STXBP5: variants seen among roughly 807,000 people sequenced by gnomAD.
The protein encoded by STXBP5 is syntaxin binding protein 5.
A neutral mutation model predicts 152.4 loss-of-function variants in STXBP5; 50 were observed. The observed-to-expected ratio is 0.33, with a 90% CI of 0.26 to 0.42. The LOEUF (loss-of-function observed/expected upper bound fraction) is 0.42. Ranked by LOEUF, STXBP5 falls within the 10% of genes least tolerant of loss-of-function variation. STXBP5 has a pLI of 1.00. For missense variants in STXBP5, 1,167 were observed against 1,388.6 expected (o/e 0.84, Z 2.54); for synonymous variants, 492 against 494.7 (o/e 0.99, Z 0.07).
At chr6:147,283,024 G>A (rs572586278) in intron 8 of STXBP5, among the ~76,000 whole-genome samples, 1 of 152,250 alleles carries the variant, frequency 6.6e-6, no homozygotes, top group African/African-American at 2.4e-5. Flanking sequence ...TCTAATTTGT[G>A]TTGGGCCACA....
chr6:147,339,274 GTTTAA>G (rs1309226735), intron 20 of STXBP5, 36 bp downstream of exon 20: 7 of 1,507,570 alleles, frequency 4.6e-6, no homozygotes, highest in African/African-American at 1.4e-5. Flanking sequence ...TTTCTTTTAT[GTTTAA>G]TTTATTTAGT....
intron 7 of STXBP5, among the ~76,000 whole-genome samples, chr6:147,270,574 T>C (rs972968901): frequency 5.9e-5 from 9 of 151,834 alleles, no homozygotes; most frequent in Non-Finnish European, 1.3e-4. Flanking sequence ...TTTATAGACA[T>C]AAAAATTGAA....
At position 147,336,955 on chromosome 6, in the gene STXBP5, G is replaced by A. The variant is rs955077707; in HGVS notation, c.2147-2224G>A. Among the ~76,000 whole-genome samples the A allele has an allele frequency of 2.6e-5, 4 of 151,942 alleles. No individual in the cohort carries two copies. In the South Asian group the frequency reaches 8.3e-4, roughly 31 times the overall value. On this transcript the variant is annotated intron_variant, in intron 19 of 27. Coordinates refer to ENST00000321680, the MANE Select transcript of STXBP5 (RefSeq NM_001127715.4). Reference sequence around the variant, plus strand: ...AAGCTATCTTCAGAAATCATCATGAGAAAAATCCATGTAATGCATATAGTT... The same window carrying A: ...AAGCTATCTTCAGAAATCATCATGAAAAAAATCCATGTAATGCATATAGTT...
chr6:147,234,230 G>C (rs1009802663), intron 2 of STXBP5, among the ~76,000 whole-genome samples: 6 of 151,722 alleles, frequency 4.0e-5, no homozygotes, highest in African/African-American at 1.2e-4. Flanking sequence ...TTTTACTTTA[G>C]GGTAATAGTT....
intron 8 of STXBP5, among the ~76,000 whole-genome samples, chr6:147,287,577 C>T (rs1781046986): frequency 1.3e-5 from 2 of 152,198 alleles, no homozygotes; most frequent in South Asian, 2.1e-4. Context: ...AATCACTGTA[C>T]TTTAGGAAGA....
At chr6:147,338,101 A>G (rs188273105) in intron 19 of STXBP5, among the ~76,000 whole-genome samples, 15 of 152,234 alleles carry the variant, frequency 9.9e-5, no homozygotes, top group Middle Eastern at 3.4e-3. Flanking sequence ...TCTACTTCCA[A>G]TTACATCGTA....
At chr6:147,287,435 C>G (rs1257716645) in intron 8 of STXBP5, among the ~76,000 whole-genome samples, 3 of 151,768 alleles carry the variant, frequency 2.0e-5, no homozygotes, top group African/African-American at 7.3e-5. Flanking sequence ...ATCTCCTGAC[C>G]TCGTGATCCG....
chr6:147,330,392 A>G (rs1783507481), intron 18 of STXBP5, among the ~76,000 whole-genome samples: 2 of 152,168 alleles, frequency 1.3e-5, no homozygotes, highest in South Asian at 4.1e-4. Flanking sequence ...AAAGTATGAA[A>G]GCTATTATTA....
chr6:147,295,446 C>G (rs1039481943), intron 9 of STXBP5, among the ~76,000 whole-genome samples: 2 of 152,076 alleles, frequency 1.3e-5, no homozygotes, highest in African/African-American at 4.8e-5. Flanking sequence ...TAATCACCAT[C>G]CCCCCCACAC....
rs1786493580 is a variant in STXBP5, at chr6:147,389,511, G to A, written c.*4756G>A. ...TCTCTTTATTTTATTCTTTACATCA[G>A]AAAAATCATGAATGTCAGTTTTGCC... On this transcript the variant is annotated 3_prime_UTR_variant, in exon 28 of 28. Transcript: ENST00000321680. 1 of 151,712 alleles carries A rather than the reference G, an allele frequency of 6.6e-6. No individual in the cohort carries two copies. The highest frequency in any genetic ancestry group is 2.4e-5 in the African/African-American group (1 of 41,374). 9.4% of individuals were successfully genotyped at this position (151,712 alleles called of 1,614,324 possible). A position where few individuals can be genotyped will look rare whatever the true frequency, so the allele number is the denominator to read the frequency against.
At position 147,389,482 on chromosome 6, in the gene STXBP5, G is replaced by A. The variant is rs2128426688; in HGVS notation, c.*4727G>A. 6.6e-6 allele frequency: 1 copy of A among 151,916 alleles called. No individual in the cohort carries two copies. Among genetic ancestry groups the A allele is most frequent in the East Asian group, 1.9e-4 (1 of 5,162 alleles). The allele number at this position is 151,916 out of a possible 1,614,324, so 9.4% of individuals were successfully genotyped here. A position where few individuals can be genotyped will look rare whatever the true frequency, so the allele number is the denominator to read the frequency against. Reference sequence around the variant, plus strand: ...TACAGTAGTCCAGGGCTACATGTAAGTGGTCTCTTTATTTTATTCTTTACA... The same window carrying A: ...TACAGTAGTCCAGGGCTACATGTAAATGGTCTCTTTATTTTATTCTTTACA... On this transcript the variant is annotated 3_prime_UTR_variant, in exon 28 of 28. Transcript: ENST00000321680.
intron 6 of STXBP5, 120 bp downstream of exon 6, chr6:147,262,473 A>G: frequency 1.8e-6 from 1 of 545,676 alleles, no homozygotes. Flanking sequence ...GTTGTGTATC[A>G]TATACAGTTA....
At chr6:147,211,725 C>T (rs940156415) in intron 2 of STXBP5, among the ~76,000 whole-genome samples, 3 of 152,100 alleles carry the variant, frequency 2.0e-5, no homozygotes, top group African/African-American at 7.2e-5. Flanking sequence ...TATTTGCGAC[C>T]ACAAGTGTGT....
At chr6:147,256,358 A>AAAG (rs1562442705) in intron 4 of STXBP5, among the ~76,000 whole-genome samples, 3 of 152,118 alleles carry the variant, frequency 2.0e-5, no homozygotes, top group Non-Finnish European at 4.4e-5. Flanking sequence ...CCTTAGCTGA[A>AAAG]AGAAGTATGT....
At position 147,313,944 on chromosome 6, in the gene STXBP5, C is replaced by T. The variant is rs201944718; in HGVS notation, c.1206C>T (p.Cys402=). The change falls in exon 12 of 28, where the codon TGC becomes TGT. Residue 402 remains cysteine (C), a synonymous_variant. Coordinates refer to ENST00000321680, the MANE Select transcript of STXBP5 (RefSeq NM_001127715.4). ...TACATGAGTCCCCTGTTACATGTTGCGAATATTTTGCGGATTGTCCTGTGG... is the reference window on the plus strand; with the variant it reads ...TACATGAGTCCCCTGTTACATGTTGTGAATATTTTGCGGATTGTCCTGTGG... The part of the protein sequence containing the change: ...LSIHESPVTC[C]EYFADCPVDL... 4.1e-5 allele frequency: 66 copies of T among 1,602,572 alleles called. No homozygotes were observed. In the Middle Eastern group the frequency reaches 5.0e-4, roughly 12 times the overall value.
At chr6:147,293,662 G>A (rs181619319) in intron 9 of STXBP5, among the ~76,000 whole-genome samples, 2 of 152,292 alleles carry the variant, frequency 1.3e-5, no homozygotes, top group Admixed American at 1.3e-4. Flanking sequence ...ATAATTTGAG[G>A]TGGATTCCCT....
At chr6:147,301,286 C>A (rs1263385830) in intron 9 of STXBP5, among the ~76,000 whole-genome samples, 1 of 152,146 alleles carries the variant, frequency 6.6e-6, no homozygotes, top group Admixed American at 6.6e-5. Context: ...CCAACAATCT[C>A]ATTACTTTAT....
At chr6:147,295,711 T>G (rs1191806894) in intron 9 of STXBP5, among the ~76,000 whole-genome samples, 1 of 152,184 alleles carries the variant, frequency 6.6e-6, no homozygotes. Flanking sequence ...TGCAGGCACA[T>G]GCAGTCCTTC....
At chr6:147,257,018 A>G (rs1294480619) in intron 4 of STXBP5, among the ~76,000 whole-genome samples, 1 of 152,108 alleles carries the variant, frequency 6.6e-6, no homozygotes, top group East Asian at 1.9e-4. Flanking sequence ...GCTAAATATT[A>G]TAGCAAATAG....
Sources: gnomAD v4.1 joint callset for allele counts (sites outside exome capture counted in the v4.1 genomes callset) on GRCh38, gnomAD v4.1.1 for gene constraint, MANE v1.5 for transcripts, NCBI Gene and HGNC (gene_info 2026-07-23, HGNC 2026-07-21) for gene names.